ZNF813: variants seen among roughly 807,000 people sequenced by gnomAD.
ZNF813 encodes the protein zinc finger protein 813.
A neutral mutation model predicts 7.2 loss-of-function variants in ZNF813; 3 were observed. The observed-to-expected ratio is 0.42, with a 90% confidence interval of 0.19 to 1.08. ZNF813 has a LOEUF of 1.08. ZNF813 is among the 50% of genes least tolerant of loss of function. The pLI is 0.30. For missense variants in ZNF813, 714 were observed against 753.3 expected (o/e 0.95, Z 0.61); for synonymous variants, 227 against 256.3 (o/e 0.89, Z 1.09).
At chr19:53,477,816 G>A (rs2086389028) in intron 1 of ZNF813, among the ~76,000 whole-genome samples, 1 of 152,262 alleles carries the variant, frequency 6.6e-6, no homozygotes, top group East Asian at 1.9e-4. Context: ...GTGAGACCCT[G>A]TCTCAAAAGA....
In ZNF813 at chr19:53,494,046, T is replaced by A. The variant is rs965263808; in HGVS notation, c.*1960T>A. The A allele has an allele frequency of 6.6e-6, 1 of 152,270 alleles. No individual in the cohort carries two copies. The highest frequency in any genetic ancestry group is 2.4e-5 in the African/African-American group (1 of 41,440). The allele number at this position is 152,270 out of a possible 1,614,324, so 9.4% of individuals were successfully genotyped here. A position where few individuals can be genotyped will look rare whatever the true frequency, so the allele number is the denominator to read the frequency against. ...TTCTCCATCTATTGAGATGATGTGGTTTTCATCTTTCATTCTGTTCAAGTG... is the reference window on the plus strand; with the variant it reads ...TTCTCCATCTATTGAGATGATGTGGATTTCATCTTTCATTCTGTTCAAGTG... On this transcript the variant is annotated 3_prime_UTR_variant, in exon 4 of 4. Coordinates refer to ENST00000396403, the MANE Select transcript of ZNF813 (RefSeq NM_001004301.4).
At chr19:53,471,048 A>G (rs1408515594) in intron 1 of ZNF813, among the ~76,000 whole-genome samples, 1 of 152,156 alleles carries the variant, frequency 6.6e-6, no homozygotes, top group Non-Finnish European at 1.5e-5. Context: ...TTAGTCTTTC[A>G]GGGGGCCAAT....
At chr19:53,474,008 G>C (rs2086371242) in intron 1 of ZNF813, among the ~76,000 whole-genome samples, 1 of 152,202 alleles carries the variant, frequency 6.6e-6, no homozygotes, top group African/African-American at 2.4e-5. Context: ...AATAGGCTAT[G>C]TGTAACTTCT....
Position 53,494,770 on chromosome 19 carries a change from C to G in ZNF813, c.*2684C>G, listed in dbSNP as rs1356515696. 1 of 152,226 alleles carries G rather than the reference C, an allele frequency of 6.6e-6. No individual in the cohort carries two copies. Among genetic ancestry groups the G allele is most frequent in the Non-Finnish European group, 1.5e-5 (1 of 68,070 alleles). 9.4% of individuals were successfully genotyped at this position (152,226 alleles called of 1,614,324 possible). On this transcript the variant is annotated 3_prime_UTR_variant, in exon 4 of 4. Transcript: ENST00000396403. ...AGATGCAGTGGCTCAGGCCTGTAAT[C>G]CCAGCACTTTCAGAGGCCAAGACAG...
chr19:53,491,007 G>T lies in ZNF813; in HGVS notation c.775G>T (p.Val259Leu). ...GKVFNRKRNL[V>L]CHRRCHTGEK... ...GGTCTTTAATCGGAAGCGAAACCTAGTGTGCCATCGTAGATGTCACACTGG... is the reference window on the plus strand; with the variant it reads ...GGTCTTTAATCGGAAGCGAAACCTATTGTGCCATCGTAGATGTCACACTGG... The change falls in exon 4 of 4, where the codon GTG becomes TTG. Residue 259 changes from valine (V) to leucine (L), a missense_variant. By Grantham distance (32) the Val-to-Leu change is conservative. This residue lies in a region of ZNF813 where 563 missense variants were observed against 554.2 expected (regional missense o/e 1.02). Coordinates refer to ENST00000396403, the MANE Select transcript of ZNF813 (RefSeq NM_001004301.4). 1 of 1,614,186 alleles carries T rather than the reference G, an allele frequency of 6.2e-7. No individual in the cohort carries two copies. Among genetic ancestry groups the T allele is most frequent in the Non-Finnish European group, 8.5e-7 (1 of 1,180,030 alleles).
chr19:53,489,289 A>G (rs62115425), intron 3 of ZNF813, among the ~76,000 whole-genome samples: 40,680 of 151,892 alleles, frequency 0.27, 6,396 homozygotes, highest in African/African-American at 0.45. Flanking sequence ...TTACAGGCAT[A>G]AGCCACCGTG....
intron 1 of ZNF813, among the ~76,000 whole-genome samples, chr19:53,481,010 G>A (rs181911572): frequency 6.6e-6 from 1 of 152,212 alleles, no homozygotes; most frequent in African/African-American, 2.4e-5. Context: ...CAAAGAAGCA[G>A]GTGGTGAGGA....
chr19:53,489,957 G>T (rs774756063), intron 3 of ZNF813, among the ~76,000 whole-genome samples: 8 of 152,192 alleles, frequency 5.3e-5, no homozygotes, highest in Non-Finnish European at 1.0e-4. Flanking sequence ...TGAGCTTGTT[G>T]TGGATTATTT....
chr19:53,482,706 CTTTTTGTTTTTTTTTTTT>C lies in ZNF813; in HGVS notation c.-73-1038_-73-1021del, dbSNP rs1288328464. On this transcript the variant is annotated intron_variant, in intron 1 of 3. Transcript: ENST00000396403. The stretch of plus-strand genomic sequence containing the variant: ...CTCTGCATCAATCACATCAGGAATG[CTTTTTGTTTTTTTTTTTT>C]TTTTTTTTTTTTTTTGAGAGACAGA... Among the ~76,000 whole-genome samples, 509 of 91,496 alleles carry C rather than the reference CTTTTTGTTTTTTTTTTTT, an allele frequency of 5.6e-3. 5 individuals are homozygous for C. The highest frequency in any genetic ancestry group is 0.018 in the African/African-American group (467 of 25,738). 60.0% of individuals were successfully genotyped at this position (91,496 alleles called of 152,430 possible).
At chr19:53,477,696 C>G (rs1443931049) in intron 1 of ZNF813, among the ~76,000 whole-genome samples, 1 of 151,952 alleles carries the variant, frequency 6.6e-6, no homozygotes, top group Non-Finnish European at 1.5e-5. Flanking sequence ...TGGTGCACAC[C>G]TGTACTCCCA....
chr19:53,469,406 C>G (rs1600106648), intron 1 of ZNF813, among the ~76,000 whole-genome samples: 1 of 152,058 alleles, frequency 6.6e-6, no homozygotes, highest in South Asian at 2.1e-4. Flanking sequence ...CCATCTTACT[C>G]CAAACCGTCA....
rs36054499 is a variant in ZNF813 at position 53,493,437 on chromosome 19, ATTTC to A, written c.*1355_*1358del. ...TTCTCACCTTTTTACTTTTATTTCTATTTCTTTAAGTTCTCTAGCAAATGGAAGT... is the reference window on the plus strand; with the variant it reads ...TTCTCACCTTTTTACTTTTATTTCTATTTAAGTTCTCTAGCAAATGGAAGT... On this transcript the variant is annotated 3_prime_UTR_variant, in exon 4 of 4. Coordinates refer to ENST00000396403, the MANE Select transcript of ZNF813 (RefSeq NM_001004301.4). 0.49 allele frequency: 74,899 copies of A among 151,744 alleles called. 19,450 individuals carry two copies. The highest frequency in any genetic ancestry group is 0.65 in the African/African-American group (26,744 of 41,132). 9.4% of individuals were successfully genotyped at this position (151,744 alleles called of 1,614,324 possible). A position where few individuals can be genotyped will look rare whatever the true frequency, so the allele number is the denominator to read the frequency against.
In ZNF813 at chr19:53,491,580, C is replaced by G; in HGVS notation, c.1348C>G (p.Arg450Gly). 1 of 1,613,010 alleles carries G rather than the reference C, an allele frequency of 6.2e-7. No homozygotes were observed. Among genetic ancestry groups the G allele is most frequent in the Non-Finnish European group, 8.5e-7 (1 of 1,179,538 alleles). Reference sequence around the variant, plus strand: ...TACTGAGTGTGTCAAGACGTTCAGTCGAAATTCAGCCCTTGTAATTCATAA... The same window carrying G: ...TACTGAGTGTGTCAAGACGTTCAGTGGAAATTCAGCCCTTGTAATTCATAA... ...KCTECVKTFS[R>G]NSALVIHKAI... is the part of the protein sequence containing the mutation. The change falls in exon 4 of 4, where the codon CGA becomes GGA. Residue 450 changes from arginine (R) to glycine (G), a missense_variant. Around this residue, in one of 3 missense-constraint regions of ZNF813, gnomAD observed 563 missense variants for 554.2 expected, o/e 1.02. Transcript: ENST00000396403.
At position 53,495,838 on chromosome 19, in the gene ZNF813, T is replaced by G. The variant is rs144172775; in HGVS notation, c.*3752T>G. ...AAAATAAAATATGTCAAGCCCCTTCTCTTCCTGTCTCCTCTCGTGGTGTGT... is the reference window on the plus strand; with the variant it reads ...AAAATAAAATATGTCAAGCCCCTTCGCTTCCTGTCTCCTCTCGTGGTGTGT... On this transcript the variant is annotated 3_prime_UTR_variant, in exon 4 of 4. Transcript: ENST00000396403. The G allele has an allele frequency of 3.9e-3, 676 of 172,598 alleles. 7 individuals carry two copies. The highest frequency in any genetic ancestry group is 0.015 in the African/African-American group (631 of 41,996). The allele number at this position is 172,598 out of a possible 1,614,324, so 10.7% of individuals were successfully genotyped here.
At position 53,490,963 on chromosome 19, in the gene ZNF813, A is replaced by C; in HGVS notation, c.731A>C (p.Lys244Thr). 6 of 1,614,194 alleles carry C rather than the reference A, an allele frequency of 3.7e-6. No individual in the cohort carries two copies. ...QIIHLGEKQY[K>T]CDVCGKVFNR... Reference sequence around the variant, plus strand: ...ATCCATTTAGGAGAGAAACAATATAAATGTGATGTATGTGGCAAGGTCTTT... The same window carrying C: ...ATCCATTTAGGAGAGAAACAATATACATGTGATGTATGTGGCAAGGTCTTT... Residue 244 changes from lysine to threonine, a missense_variant, in exon 4 of 4, where the codon AAA becomes ACA. By Grantham distance (78) the Lys-to-Thr change is moderately conservative (BLOSUM62 -1). Coordinates refer to ENST00000396403, the MANE Select transcript of ZNF813 (RefSeq NM_001004301.4).
intron 1 of ZNF813, among the ~76,000 whole-genome samples, chr19:53,468,632 A>G (rs891580401): frequency 5.9e-5 from 9 of 152,188 alleles, no homozygotes; most frequent in African/African-American, 1.7e-4. Flanking sequence ...AAGGAAAGGT[A>G]CTGTGCCCAG....
In ZNF813 at chr19:53,492,605, T is replaced by G; in HGVS notation, c.*519T>G. 4 of 676,466 alleles carry G rather than the reference T, an allele frequency of 5.9e-6. No homozygotes were observed. The highest frequency in any genetic ancestry group is 5.5e-5 in the South Asian group (4 of 72,892). 41.9% of individuals were successfully genotyped at this position (676,466 alleles called of 1,614,324 possible). ...TCAACACTTACTCACCATCAGGCAA[T>G]CCATGGTGAAGGAAACTTGACTAAT... On this transcript the variant is annotated 3_prime_UTR_variant, in exon 4 of 4. Coordinates refer to ENST00000396403, the MANE Select transcript of ZNF813 (RefSeq NM_001004301.4).
At chr19:53,477,783 T>C (rs2086388888) in intron 1 of ZNF813, among the ~76,000 whole-genome samples, 1 of 152,198 alleles carries the variant, frequency 6.6e-6, no homozygotes, top group Non-Finnish European at 1.5e-5. Context: ...ATCATGCCAC[T>C]GCCCTCCAGC....
intron 1 of ZNF813, among the ~76,000 whole-genome samples, chr19:53,468,342 G>A (rs2086338743): frequency 6.6e-6 from 1 of 151,830 alleles, no homozygotes; most frequent in Non-Finnish European, 1.5e-5. Flanking sequence ...TGTTGAAGGA[G>A]GCCAGCCCTT....
Sources: allele counts gnomAD v4.1 joint callset (sites outside exome capture counted in the v4.1 genomes callset), GRCh38; gene constraint gnomAD v4.1.1; regional missense constraint gnomAD v4.1.1; transcripts MANE v1.5; gene names NCBI Gene and HGNC (gene_info 2026-07-23, HGNC 2026-07-21).